Variants in LCORL observed in about 807,000 individuals in gnomAD.
LCORL encodes ligand-dependent nuclear receptor corepressor-like protein.
In LCORL, 41 loss-of-function variants were observed where a neutral mutation model predicts 141.8. The ratio of observed to expected loss-of-function variants is 0.29; its 90% CI spans 0.23 to 0.38. The LOEUF is 0.38. Ranked by LOEUF, LCORL falls within the 10% of genes least tolerant of loss-of-function variation. The pLI, the probability that LCORL is intolerant of heterozygous loss-of-function variation, is 1.00. For synonymous variants in LCORL, 618 were observed against 694.1 expected, an observed-to-expected ratio of 0.89 and a Z score of 1.72; for missense variants, 1,759 against 2,035.0, an observed-to-expected ratio of 0.86 and a Z score of 2.61.
intron 7 of LCORL, among the ~76,000 whole-genome samples, chr4:17,863,865 C>T (rs1407118530): frequency 6.6e-6 from 1 of 152,142 alleles, no homozygotes; most frequent in East Asian, 1.9e-4. Context: ...GGAGCTGGAG[C>T]CCATAATCCT....
chr4:17,876,951 T>C (rs1306256591), exon 7 of LCORL: 16 of 1,230,642 alleles, frequency 1.3e-5, no homozygotes, highest in African/African-American at 3.1e-5. Flanking sequence ...TTGAAGTCTT[T>C]TAGAATTTTG....
In LCORL at chr4:18,021,689, G is replaced by A. The variant is rs541615446; in HGVS notation, c.63C>T (p.Ala21=). The A allele has an allele frequency of 5.4e-6, 8 of 1,483,834 alleles. No homozygotes were observed. Among genetic ancestry groups the A allele is most frequent in the South Asian group, 5.2e-5 (4 of 76,462 alleles). 91.9% of individuals were successfully genotyped at this position (1,483,834 alleles called of 1,614,324 possible). ...CGCACCGAGGGCTCCGGCACTGAGC[G>A]GCGGCGGCGGCGGCGGCAGCAGCGG... The change falls in exon 1 of 8, where the codon GCC becomes GCT. Residue 21 remains alanine (A), a synonymous_variant. Coordinates refer to ENST00000635767, the Ensembl canonical transcript of LCORL. The surrounding 1 kb of genome is among the most constrained non-coding windows in gnomAD (Gnocchi z 5.5).
At chr4:17,909,228 C>G in exon 5 of LCORL, 1 of 1,613,542 alleles carries the variant, frequency 6.2e-7, no homozygotes, top group Non-Finnish European at 8.5e-7. Context: ...TGAACCATTT[C>G]TATTCTCTTG....
chr4:17,979,754 C>T (rs549474025), intron 1 of LCORL, among the ~76,000 whole-genome samples: 124 of 152,250 alleles, frequency 8.1e-4, no homozygotes, highest in African/African-American at 2.8e-3. Context: ...AGTTCTAATA[C>T]CCAGTACCCT....
At chr4:17,975,170 T>C (rs1245009124) in intron 1 of LCORL, among the ~76,000 whole-genome samples, 1 of 152,154 alleles carries the variant, frequency 6.6e-6, no homozygotes, top group African/African-American at 2.4e-5. Context: ...CTAGATCACT[T>C]ATTTGAGACC....
chr4:17,907,423 C>G (rs1731814397), intron 5 of LCORL, among the ~76,000 whole-genome samples: 1 of 152,070 alleles, frequency 6.6e-6, no homozygotes, highest in African/African-American at 2.4e-5. Context: ...GTTCAAGTAA[C>G]TTAAGTAAGT....
At chr4:17,996,127 T>G (rs1324787723) in intron 1 of LCORL, among the ~76,000 whole-genome samples, 1 of 152,104 alleles carries the variant, frequency 6.6e-6, no homozygotes, top group Non-Finnish European at 1.5e-5. Flanking sequence ...GTGAACCAGA[T>G]TTACTCATGC....
In LCORL at chr4:17,912,364, C is replaced by G. The variant is rs531793000; in HGVS notation, c.431-3019G>C. ...GAACCATGAAGAGGAAGTAAAAGGC[C>G]TACAAGCCCAGATTGCCAGCTCTAG... On this transcript the variant is annotated intron_variant, in intron 4 of 7. Coordinates refer to ENST00000635767, the Ensembl canonical transcript of LCORL. The G allele has an allele frequency of 1.7e-4, 113 of 661,414 alleles. No homozygotes were observed. In the African/African-American group the frequency reaches 1.9e-3, roughly 11 times the overall value. The allele number at this position is 661,414 out of a possible 1,614,324, so 41.0% of individuals were successfully genotyped here.
intron 5 of LCORL, among the ~76,000 whole-genome samples, chr4:17,898,264 T>G (rs962257555): frequency 3.9e-5 from 6 of 152,194 alleles, no homozygotes; most frequent in Admixed American, 1.3e-4. Flanking sequence ...GTCAAAATGC[T>G]GGGTAAAATC....
chr4:17,875,849 T>C (rs1726860234), exon 7 of LCORL: 3 of 1,231,136 alleles, frequency 2.4e-6, no homozygotes, highest in African/African-American at 1.6e-5. Flanking sequence ...CTATAAACAT[T>C]GTAGAGGATC....
chr4:17,939,515 G>A (rs1737480852), intron 4 of LCORL, among the ~76,000 whole-genome samples: 1 of 152,058 alleles, frequency 6.6e-6, no homozygotes, highest in South Asian at 2.1e-4. Flanking sequence ...ACTTACACAA[G>A]AATGTTCATA....
intron 4 of LCORL, among the ~76,000 whole-genome samples, chr4:17,946,448 T>C (rs905450550): frequency 2.0e-5 from 3 of 152,036 alleles, no homozygotes; most frequent in East Asian, 1.9e-4. Context: ...ATTTAGTAAA[T>C]TGAGAAGCAA....
At chr4:17,858,598 C>T (rs147274024) in intron 7 of LCORL, among the ~76,000 whole-genome samples, 1 of 151,132 alleles carries the variant, frequency 6.6e-6, no homozygotes, top group Non-Finnish European at 1.5e-5. Context: ...CATGGTGGGG[C>T]ATGCCTGTAA....
At chr4:17,978,027 A>G (rs1377474287) in intron 1 of LCORL, among the ~76,000 whole-genome samples, 1 of 152,096 alleles carries the variant, frequency 6.6e-6, no homozygotes. Flanking sequence ...TCTTATGTTC[A>G]TGTTACCTTT....
chr4:17,980,769 G>T lies in LCORL; in HGVS notation c.155-7884C>A, dbSNP rs567395516. Among the ~76,000 whole-genome samples, 18 of 152,272 alleles carry T rather than the reference G, an allele frequency of 1.2e-4. No homozygotes were observed. The South Asian group carries it at 3.7e-3, about 32-fold the overall frequency. On this transcript the variant is annotated intron_variant, in intron 1 of 7. Coordinates refer to ENST00000635767, the Ensembl canonical transcript of LCORL. ...GACCACACAGCAGGAGGTGAGCAGC[G>T]GGCAAGCGAGCATTACCTCCTGAGC...
rs183656800 is a variant in LCORL at position 17,998,781 on chromosome 4, A to T, written c.154+22817T>A. On this transcript the variant is annotated intron_variant, in intron 1 of 7. Transcript: ENST00000635767. ...CGAGTTCAAGACCAGCCTGGGCAACATAACGAAACCCTGTCTCTGCAAAAA... is the reference window on the plus strand; with the variant it reads ...CGAGTTCAAGACCAGCCTGGGCAACTTAACGAAACCCTGTCTCTGCAAAAA... 1.4e-4 allele frequency among the ~76,000 whole-genome samples: 21 copies of T among 151,660 alleles called. 1 individual carries two copies. Among genetic ancestry groups the T allele is most frequent in the Admixed American group, 1.4e-3 (21 of 15,222 alleles).
intron 7 of LCORL, among the ~76,000 whole-genome samples, chr4:17,872,626 C>T (rs1726485090): frequency 6.6e-6 from 1 of 152,096 alleles, no homozygotes; most frequent in Non-Finnish European, 1.5e-5. Flanking sequence ...TAATTGTTTG[C>T]TAAGGTAATT....
exon 8 of LCORL, chr4:17,844,335 C>G (rs150500634): frequency 3.9e-5 from 6 of 152,454 alleles, no homozygotes; most frequent in African/African-American, 1.4e-4. Context: ...CACCTTTTCT[C>G]TTTATTATTC....
intron 4 of LCORL, among the ~76,000 whole-genome samples, chr4:17,930,590 A>G (rs1735862619): frequency 6.6e-6 from 1 of 152,186 alleles, no homozygotes; most frequent in South Asian, 2.1e-4. Flanking sequence ...TTAACAAGTG[A>G]ATAATATCAA....
Sources: allele counts gnomAD v4.1 joint callset (sites outside exome capture counted in the v4.1 genomes callset), GRCh38; gene constraint gnomAD v4.1.1; non-coding constraint Gnocchi (gnomAD v3.1); transcripts MANE v1.5; gene names NCBI Gene and HGNC (gene_info 2026-07-23, HGNC 2026-07-21).